Variants in ANKS1B observed in about 807,000 individuals in gnomAD.
The protein encoded by ANKS1B is ankyrin repeat and sterile alpha motif domain-containing protein 1B.
In ANKS1B, 36 loss-of-function variants were observed where a neutral mutation model predicts 148.3. The observed-to-expected ratio is 0.24, with a 90% CI of 0.19 to 0.32. The LOEUF (loss-of-function observed/expected upper bound fraction) is 0.32, where lower values mean the gene tolerates loss of function less well. Among genes scored for constraint, ANKS1B ranks in the 10% least tolerant of loss-of-function variants. ANKS1B has a pLI of 1.00. For synonymous variants in ANKS1B, 542 were observed against 560.8 expected, an observed-to-expected ratio of 0.97 and a Z score of 0.47; for missense variants, 1,157 against 1,542.6, an observed-to-expected ratio of 0.75 and a Z score of 4.19.
chr12:98,914,406 A>G lies in ANKS1B; in HGVS notation c.2779-82270T>C, dbSNP rs572203856. ...GGCATTTCTTTATAGCAACACAAGA[A>G]CAGTCTAACACACTTTCATATGCCA... is the stretch of plus-strand genomic sequence containing the variant. On this transcript the variant is annotated intron_variant, in intron 17 of 26. Coordinates refer to ENST00000683438, the MANE Select transcript of ANKS1B (RefSeq NM_001352186.2). Among the ~76,000 whole-genome samples the G allele has an allele frequency of 2.0e-5, 3 of 152,310 alleles. No homozygotes were observed. The South Asian group carries it at 6.2e-4, about 32-fold the overall frequency.
At chr12:98,832,883 T>C (rs74487656) in intron 17 of ANKS1B, among the ~76,000 whole-genome samples, 3,200 of 152,204 alleles carry the variant, frequency 0.021, 57 homozygotes, top group East Asian at 0.12. Context: ...TAGAGCACTA[T>C]TATTTCCCAA....
At chr12:99,193,914 G>A (rs995581023) in intron 14 of ANKS1B, among the ~76,000 whole-genome samples, 4 of 140,426 alleles carry the variant, frequency 2.8e-5, no homozygotes, top group Non-Finnish European at 6.0e-5. Flanking sequence ...CGATTCTCCT[G>A]CCTCAGCCTC....
At chr12:98,932,608 GATA>G (rs2099814668) in intron 17 of ANKS1B, among the ~76,000 whole-genome samples, 1 of 152,216 alleles carries the variant, frequency 6.6e-6, no homozygotes, top group African/African-American at 2.4e-5. Flanking sequence ...TTGGGTTTTT[GATA>G]ATACCAAATA....
At chr12:99,291,865 C>A (rs945762948) in intron 12 of ANKS1B, among the ~76,000 whole-genome samples, 1 of 152,164 alleles carries the variant, frequency 6.6e-6, no homozygotes, top group African/African-American at 2.4e-5. Flanking sequence ...ACATCTACAG[C>A]CATCTTATCT....
At chr12:99,529,006 C>A (rs2096960299) in intron 9 of ANKS1B, among the ~76,000 whole-genome samples, 1 of 152,092 alleles carries the variant, frequency 6.6e-6, no homozygotes, top group Non-Finnish European at 1.5e-5. Flanking sequence ...AGAGATGATA[C>A]CATTTCAAAT....
At chr12:99,049,492 TA>T (rs1422151719) in intron 17 of ANKS1B, among the ~76,000 whole-genome samples, 1 of 152,212 alleles carries the variant, frequency 6.6e-6, no homozygotes, top group Non-Finnish European at 1.5e-5. Flanking sequence ...CTACTGCATT[TA>T]AAGCAAATAA....
intron 12 of ANKS1B, among the ~76,000 whole-genome samples, chr12:99,296,192 T>C (rs1198006837): frequency 6.6e-6 from 1 of 152,220 alleles, no homozygotes; most frequent in African/African-American, 2.4e-5. Flanking sequence ...CATTGATCTA[T>C]TTATTTTTAC....
At chr12:99,938,172 T>G (rs1256225446) in intron 1 of ANKS1B, among the ~76,000 whole-genome samples, 3 of 152,202 alleles carry the variant, frequency 2.0e-5, no homozygotes, top group Non-Finnish European at 4.4e-5. Context: ...TTGGAGTCTC[T>G]GTCTTTTACC....
chr12:99,919,490 G>C (rs1201351880), intron 1 of ANKS1B, among the ~76,000 whole-genome samples: 1 of 152,102 alleles, frequency 6.6e-6, no homozygotes, highest in Non-Finnish European at 1.5e-5. Context: ...AGTTTAGATG[G>C]AAATAAATTG....
At chr12:99,187,459 C>A (rs890803079) in intron 14 of ANKS1B, among the ~76,000 whole-genome samples, 2 of 152,114 alleles carry the variant, frequency 1.3e-5, no homozygotes, top group Non-Finnish European at 2.9e-5. Context: ...AGGTTACCCA[C>A]AAAGGGAATC....
chr12:99,689,269 C>G (rs1261330714), intron 8 of ANKS1B, among the ~76,000 whole-genome samples: 1 of 152,180 alleles, frequency 6.6e-6, no homozygotes, highest in Non-Finnish European at 1.5e-5. Flanking sequence ...TAAGACAAAT[C>G]TCTCTAAGAA....
intron 8 of ANKS1B, among the ~76,000 whole-genome samples, chr12:99,696,514 T>C (rs1301945824): frequency 2.6e-5 from 4 of 152,068 alleles, no homozygotes; most frequent in Non-Finnish European, 5.9e-5. Context: ...CTGGAACAAC[T>C]GAACATCCAC....
chr12:99,551,259 G>C (rs1468817229), intron 9 of ANKS1B, among the ~76,000 whole-genome samples: 3 of 151,892 alleles, frequency 2.0e-5, no homozygotes, highest in Admixed American at 6.6e-5. Flanking sequence ...ATAATTTTTA[G>C]CTCCTCAAAT....
At chr12:99,216,120 C>T (rs565367655) in intron 14 of ANKS1B, among the ~76,000 whole-genome samples, 1 of 152,334 alleles carries the variant, frequency 6.6e-6, no homozygotes, top group African/African-American at 2.4e-5. Context: ...AGTTTCCCTG[C>T]ACATGCTCTC....
intron 17 of ANKS1B, among the ~76,000 whole-genome samples, chr12:98,847,229 T>C (rs2099484624): frequency 6.6e-6 from 1 of 152,126 alleles, no homozygotes; most frequent in African/African-American, 2.4e-5. Flanking sequence ...TTATTTCTCT[T>C]GCATAAGTAA....
intron 19 of ANKS1B, among the ~76,000 whole-genome samples, chr12:98,825,300 A>G (rs1006814157): frequency 2.6e-5 from 4 of 152,250 alleles, no homozygotes; most frequent in African/African-American, 9.6e-5. Flanking sequence ...GTAATATACA[A>G]AATGCTTTCA....
intron 2 of ANKS1B, 128 bp downstream of exon 2, chr12:99,825,181 G>A (rs1186351347): frequency 5.7e-6 from 4 of 703,724 alleles, no homozygotes; most frequent in Non-Finnish European, 9.8e-6. Flanking sequence ...GTTGTCACCT[G>A]GTCCCTTTCC....
At chr12:99,055,730 G>T (rs944544179) in intron 16 of ANKS1B, among the ~76,000 whole-genome samples, 16 of 121,706 alleles carry the variant, frequency 1.3e-4, no homozygotes, top group Admixed American at 2.6e-4. Context: ...TTGGGGGGGG[G>T]GGAGGTGGTG....
chr12:99,491,987 C>G lies in ANKS1B; in HGVS notation c.1438+12489G>C, dbSNP rs190355379. ...AGATCTCAAATTAACAACCTAACATCACAACTAAAAGAACTAGAGAACCAA... is the reference window on the plus strand; with the variant it reads ...AGATCTCAAATTAACAACCTAACATGACAACTAAAAGAACTAGAGAACCAA... On this transcript the variant is annotated intron_variant, in intron 10 of 26. Transcript: ENST00000683438. 5.3e-4 allele frequency among the ~76,000 whole-genome samples: 81 copies of G among 152,118 alleles called. 1 individual carries two copies. The East Asian group carries it at 0.013, about 24-fold the overall frequency.
Sources: gnomAD v4.1 joint callset for allele counts (sites outside exome capture counted in the v4.1 genomes callset) on GRCh38, gnomAD v4.1.1 for gene constraint, MANE v1.5 for transcripts, NCBI Gene and HGNC (gene_info 2026-07-23, HGNC 2026-07-21) for gene names.